NBAS: variants seen among roughly 807,000 people sequenced by gnomAD.
NBAS encodes NAG/BC035112 fusion.
A neutral mutation model predicts 302.5 loss-of-function variants in NBAS; 219 were observed. That is an observed-to-expected ratio of 0.72 (90% confidence interval 0.65 to 0.81). NBAS has a LOEUF of 0.81. Ranked by LOEUF, NBAS falls within the 30% of genes least tolerant of loss-of-function variation. NBAS has a pLI of 0.00. For missense variants in NBAS, 2,932 were observed against 2,841.6 expected (o/e 1.03, Z -0.72); for synonymous variants, 1,118 against 1,021.6 (o/e 1.09, Z -1.80).
chr2:15,067,477 G>A, the NBAS span, among the ~76,000 whole-genome samples: 7 of 143,152 alleles, frequency 4.9e-5, no homozygotes, highest in South Asian at 1.4e-3. Context: ...GAGGAGGGGA[G>A]AGGAGAAGAG....
chr2:15,509,117 T>C (rs4430912), intron 10 of NBAS, among the ~76,000 whole-genome samples: 89,676 of 152,052 alleles, frequency 0.59, 27,069 homozygotes, highest in Middle Eastern at 0.63. Context: ...CTAATGTGTC[T>C]AATATGTACG....
At chr2:15,052,298 T>C in the NBAS span, among the ~76,000 whole-genome samples, 2 of 152,210 alleles carry the variant, frequency 1.3e-5, no homozygotes, top group African/African-American at 4.8e-5. Context: ...TCCTTGACTC[T>C]AGTGGTTTTC....
intron 31 of NBAS, among the ~76,000 whole-genome samples, chr2:15,367,222 T>G (rs1166492836): frequency 6.6e-6 from 1 of 152,014 alleles, no homozygotes. Context: ...AACTGGATAT[T>G]AGGAAAATAA....
At chr2:15,172,562 T>C (rs1428046069) in intron 51 of NBAS, among the ~76,000 whole-genome samples, 1 of 152,264 alleles carries the variant, frequency 6.6e-6, no homozygotes, top group Non-Finnish European at 1.5e-5. Flanking sequence ...AAGGAACTGA[T>C]ATGTTATTTT....
intron 25 of NBAS, among the ~76,000 whole-genome samples, chr2:15,411,712 G>A (rs1373305228): frequency 6.6e-6 from 1 of 152,150 alleles, no homozygotes; most frequent in East Asian, 1.9e-4. Flanking sequence ...ATTTAAAGCA[G>A]TTGTTCCCGG....
At chr2:15,054,241 T>C in the NBAS span, among the ~76,000 whole-genome samples, 1 of 152,218 alleles carries the variant, frequency 6.6e-6, no homozygotes, top group Non-Finnish European at 1.5e-5. Context: ...AGGAAAGCCA[T>C]GTGCAGAGAG....
chr2:15,319,937 A>C (rs563518837), intron 38 of NBAS, among the ~76,000 whole-genome samples: 1 of 151,996 alleles, frequency 6.6e-6, no homozygotes, highest in African/African-American at 2.4e-5. Flanking sequence ...CAGAGACACA[A>C]CAAAAAAAAA....
At chr2:14,884,795 G>A in the NBAS span, among the ~76,000 whole-genome samples, 1 of 152,218 alleles carries the variant, frequency 6.6e-6, no homozygotes, top group Non-Finnish European at 1.5e-5. Flanking sequence ...GTGACTGGAA[G>A]ATCATTTTCA....
At chr2:15,127,778 T>C in the NBAS span, among the ~76,000 whole-genome samples, 146,479 of 152,168 alleles carry the variant, frequency 0.96, 70,523 homozygotes, top group East Asian at 1. Flanking sequence ...TGAAGGGGAA[T>C]GGCCTGAACA....
intron 9 of NBAS, among the ~76,000 whole-genome samples, chr2:15,520,671 T>C (rs553531377): frequency 2.0e-5 from 3 of 152,294 alleles, no homozygotes; most frequent in Non-Finnish European, 4.4e-5. Flanking sequence ...CTATAAATCT[T>C]TCTTTATAAA....
At chr2:14,990,834 G>A in the NBAS span, among the ~76,000 whole-genome samples, 1 of 152,154 alleles carries the variant, frequency 6.6e-6, no homozygotes, top group Non-Finnish European at 1.5e-5. Context: ...AGTGTGTATA[G>A]AGAACATGAG....
At chr2:15,371,423 T>C (rs1344759831) in intron 31 of NBAS, among the ~76,000 whole-genome samples, 1 of 152,148 alleles carries the variant, frequency 6.6e-6, no homozygotes, top group Non-Finnish European at 1.5e-5. Context: ...AATCACTCAA[T>C]AAATATTAGC....
the NBAS span, among the ~76,000 whole-genome samples, chr2:14,848,229 C>T: frequency 5.3e-5 from 8 of 151,116 alleles, no homozygotes; most frequent in South Asian, 4.2e-4. Context: ...GCGCACCATG[C>T]GAGAGCCGAA....
chr2:15,439,617 C>G (rs1678236229), intron 21 of NBAS, among the ~76,000 whole-genome samples: 1 of 152,140 alleles, frequency 6.6e-6, no homozygotes, highest in Non-Finnish European at 1.5e-5. Context: ...ATCTGAGGTA[C>G]CAGGTTCATC....
chr2:14,852,624 A>T, the NBAS span, among the ~76,000 whole-genome samples: 1 of 137,266 alleles, frequency 7.3e-6, no homozygotes, highest in Non-Finnish European at 1.6e-5. Context: ...GTCAATCCTA[A>T]GCCAAAAGAA....
chr2:15,358,471 G>T (rs1241482043), intron 32 of NBAS, among the ~76,000 whole-genome samples: 3 of 151,996 alleles, frequency 2.0e-5, no homozygotes, highest in Admixed American at 1.3e-4. Flanking sequence ...TAGAGATGTG[G>T]TTTCTCTCCG....
At chr2:15,226,848 T>C (rs1010689290) in intron 47 of NBAS, among the ~76,000 whole-genome samples, 2 of 152,212 alleles carry the variant, frequency 1.3e-5, no homozygotes, top group Admixed American at 1.3e-4. Context: ...GATCATGCTA[T>C]GTGCAAACGT....
At chr2:15,379,963 GTAAATGTAC>G (rs1200428525) in intron 29 of NBAS, 132 bp from the exon 30 acceptor site, 20 of 729,802 alleles carry the variant, frequency 2.7e-5, no homozygotes, top group Non-Finnish European at 4.0e-5. Flanking sequence ...GCACAGCACT[GTAAATGTAC>G]TAAATGACAA....
chr2:15,506,795 C>CA (rs1005712911), intron 10 of NBAS, among the ~76,000 whole-genome samples: 17 of 150,690 alleles, frequency 1.1e-4, no homozygotes, highest in South Asian at 4.2e-4. Context: ...AACAAAACAA[C>CA]AAAAAAAAGA....
Sources: gnomAD v4.1 joint callset for allele counts (sites outside exome capture counted in the v4.1 genomes callset) on GRCh38, gnomAD v4.1.1 for gene constraint, MANE v1.5 for transcripts, NCBI Gene and HGNC (gene_info 2026-07-23, HGNC 2026-07-21) for gene names.